Variants in MON1A observed in about 807,000 individuals in gnomAD.
MON1A encodes the protein MON1 vesicular trafficking associated A, also known as vacuolar fusion protein MON1 homolog A.
MON1A carries 29 observed loss-of-function variants against 44.6 expected under a neutral mutation model. The ratio of observed to expected loss-of-function variants is 0.65; its 90% CI spans 0.48 to 0.89. The LOEUF (loss-of-function observed/expected upper bound fraction) is 0.89, where lower values mean the gene tolerates loss of function less well. Among genes scored for constraint, MON1A ranks in the 40% least tolerant of loss-of-function variants. The pLI is 0.00. For synonymous variants in MON1A, 275 were observed against 316.4 expected (o/e 0.87, Z 1.39); for missense variants, 615 against 759.6 (o/e 0.81, Z 2.24).
Position 49,913,207 on chromosome 3 carries a change from C to T in MON1A, c.127+13G>A. On this transcript the variant is annotated intron_variant, in intron 2 of 5. Coordinates refer to ENST00000296473, the MANE Select transcript of MON1A (RefSeq NM_032355.4). Reference sequence around the variant, plus strand: ...TGGTTGGCAGCTGGCTGAGGCTGTACACTTGCCCATACCTGGCTCCATTCC... The same window carrying T: ...TGGTTGGCAGCTGGCTGAGGCTGTATACTTGCCCATACCTGGCTCCATTCC... 1 of 1,614,250 alleles carries T rather than the reference C, an allele frequency of 6.2e-7. No individual in the cohort carries two copies. The highest frequency in any genetic ancestry group is 8.5e-7 in the Non-Finnish European group (1 of 1,180,038).
At position 49,911,932 on chromosome 3, in the gene MON1A, A is replaced by G; in HGVS notation, c.207T>C (p.Ser69=). 4 of 1,613,612 alleles carry G rather than the reference A, an allele frequency of 2.5e-6. No homozygotes were observed. The highest frequency in any genetic ancestry group is 3.4e-6 in the Non-Finnish European group (4 of 1,179,852). The change falls in exon 3 of 6, where the codon TCT becomes TCC. Residue 69 remains serine (S), a synonymous_variant. Transcript: ENST00000296473. The surrounding 1 kb of genome is among the most constrained non-coding windows in gnomAD (Gnocchi z 5.7). The part of the protein sequence containing the change: ...DLTESEDGAA[S]GDSHKEGTRG... Reference sequence around the variant, plus strand: ...TGGTACCCTCCTTGTGGCTGTCCCCAGAAGCTGCCCCATCCTCTGACTCAG... The same window carrying G: ...TGGTACCCTCCTTGTGGCTGTCCCCGGAAGCTGCCCCATCCTCTGACTCAG...
In MON1A at chr3:49,910,361, G is replaced by A. The variant is rs997505519; in HGVS notation, c.1137C>T (p.His379=). The A allele has an allele frequency of 8.1e-6, 13 of 1,614,132 alleles. No individual in the cohort carries two copies. Among genetic ancestry groups the A allele is most frequent in the South Asian group, 1.1e-5 (1 of 91,096 alleles). Residue 379 remains histidine, a synonymous_variant, in exon 4 of 6, where the codon CAC becomes CAT. Transcript: ENST00000296473. The surrounding 1 kb of genome is among the most constrained non-coding windows in gnomAD (Gnocchi z 8.0). ...LPKFNAAGFF[H]AHISYLEPDT... is the part of the protein sequence containing the mutation. ...CAGGCTCTAGGTAAGAGATGTGTGC[G>A]TGGAAGAAGCCGGCTGCGTTGAATT... is the stretch of plus-strand genomic sequence containing the variant.
chr3:49,929,465 G>C, intron 1 of MON1A, 144 bp downstream of exon 1: 1 of 950,712 alleles, frequency 1.1e-6, no homozygotes, highest in East Asian at 2.7e-5. Flanking sequence ...AGCCGGCTGA[G>C]GGACCGCAGG....
intron 1 of MON1A, among the ~76,000 whole-genome samples, chr3:49,920,289 T>C (rs563622597): frequency 1.3e-5 from 2 of 152,326 alleles, no homozygotes; most frequent in South Asian, 2.1e-4. Context: ...TCTGACCTCA[T>C]GGACTACTCC....
Position 49,910,486 on chromosome 3 carries a change from G to T in MON1A, c.1012C>A (p.Gln338Lys), listed in dbSNP as rs1233932697. The change falls in exon 4 of 6, where the codon CAA becomes AAA. Residue 338 changes from glutamine (Q) to lysine (K), a missense_variant. By Grantham distance (53) the Gln-to-Lys change is moderately conservative (BLOSUM62 1). Transcript: ENST00000296473. The surrounding 1 kb of genome is among the most constrained non-coding windows in gnomAD (Gnocchi z 8.0). The stretch of plus-strand genomic sequence containing the variant: ...TGCAGGTCGATGGGGTGCAGAAATT[G>T]GTCCTTTCGGCGCACGAGTGCCACG... ...QLVALVRRKD[Q>K]FLHPIDLHLL... The T allele has an allele frequency of 5.0e-6, 8 of 1,613,964 alleles. No individual in the cohort carries two copies. The highest frequency in any genetic ancestry group is 6.8e-6 in the Non-Finnish European group (8 of 1,179,984).
intron 1 of MON1A, among the ~76,000 whole-genome samples, chr3:49,917,649 T>A (rs1461141025): frequency 6.6e-6 from 1 of 152,080 alleles, no homozygotes; most frequent in Non-Finnish European, 1.5e-5. Flanking sequence ...TTCACACCTT[T>A]TCTCTCTTCA....
At position 49,910,553 on chromosome 3, in the gene MON1A, C is replaced by T. The variant is rs1354283931; in HGVS notation, c.945G>A (p.Ala315=). ...TVSASLQQAR[A]RSLVFSILLA... is the part of the protein sequence containing the mutation. ...GCAGGATGGAGAAGACCAGGCTGCG[C>T]GCACGCGCCTGCTGCAGGCTGGCGC... Residue 315 remains alanine, a synonymous_variant, in exon 4 of 6, where the codon GCG becomes GCA. Transcript: ENST00000296473. This position sits in a 1 kb window ranked among gnomAD's most constrained non-coding sequence, Gnocchi z 8.0. The T allele has an allele frequency of 2.5e-6, 4 of 1,612,348 alleles. No homozygotes were observed. The highest frequency in any genetic ancestry group is 1.3e-5 in the African/African-American group (1 of 74,916).
At position 49,911,784 on chromosome 3, in the gene MON1A, C is replaced by T. The variant is rs2082889264; in HGVS notation, c.355G>A (p.Asp119Asn). ...QEEMLPGSSE[D>N]WLEPPGAVGR... ...ACTGCCCCTGGGGGTTCCAGCCAAT[C>T]CTCAGAGCTTCCTGGCAGCATCTCC... The change falls in exon 3 of 6, where the codon GAT becomes AAT. Residue 119 changes from aspartate (D) to asparagine (N), a missense_variant. Asp to Asn is a conservative substitution (Grantham distance 23). Coordinates refer to ENST00000296473, the MANE Select transcript of MON1A (RefSeq NM_032355.4). This position sits in a 1 kb window ranked among gnomAD's most constrained non-coding sequence, Gnocchi z 5.7. The T allele has an allele frequency of 1.2e-6, 2 of 1,613,682 alleles. No individual in the cohort carries two copies. Among genetic ancestry groups the T allele is most frequent in the Non-Finnish European group, 1.7e-6 (2 of 1,179,854 alleles).
At chr3:49,921,302 C>T (rs1264347625) in intron 1 of MON1A, among the ~76,000 whole-genome samples, 1 of 151,458 alleles carries the variant, frequency 6.6e-6, no homozygotes, top group South Asian at 2.1e-4. Context: ...GGACTACAGA[C>T]GCCTGCCACC....
Position 49,929,617 on chromosome 3 carries a change from C to T in MON1A, c.-22G>A, listed in dbSNP as rs2083077661. On this transcript the variant is annotated 5_prime_UTR_variant, in exon 1 of 6. Transcript: ENST00000296473. ...GCTGGCAGTCAACTCACCTGTTTCT[C>T]AGAGGAGTCCAGGACGCACAGAAGG... is the stretch of plus-strand genomic sequence containing the variant. 9.0e-6 allele frequency: 14 copies of T among 1,551,434 alleles called. No homozygotes were observed. Among genetic ancestry groups the T allele is most frequent in the Non-Finnish European group, 1.1e-5 (13 of 1,146,948 alleles).
chr3:49,914,090 CTTTT>C (rs776537293), intron 1 of MON1A, among the ~76,000 whole-genome samples: 7 of 133,460 alleles, frequency 5.2e-5, no homozygotes, highest in African/African-American at 1.1e-4. Flanking sequence ...TCTTCTTCTT[CTTTT>C]TTTTTTTTTT....
At chr3:49,914,971 A>G in intron 1 of MON1A, among the ~76,000 whole-genome samples, 1 of 152,210 alleles carries the variant, frequency 6.6e-6, no homozygotes, top group East Asian at 1.9e-4. Flanking sequence ...ATGAGCCACC[A>G]TGCCCAGCCT....
intron 1 of MON1A, among the ~76,000 whole-genome samples, chr3:49,913,687 G>C (rs919658577): frequency 4.5e-5 from 5 of 110,308 alleles, no homozygotes; most frequent in African/African-American, 1.8e-4. Flanking sequence ...TTTTGAGACA[G>C]TGTCTCGCTC....
In MON1A at chr3:49,911,266, G is replaced by T; in HGVS notation, c.613+260C>A. Reference sequence around the variant, plus strand: ...GATAGAGTTTGTTGTTGTTGTTGTTGTTGCCTCCCCAGGGGGATTCTCACT... The same window carrying T: ...GATAGAGTTTGTTGTTGTTGTTGTTTTTGCCTCCCCAGGGGGATTCTCACT... On this transcript the variant is annotated intron_variant, in intron 3 of 5. Transcript: ENST00000296473. The surrounding 1 kb of genome is among the most constrained non-coding windows in gnomAD (Gnocchi z 5.7). Among the ~76,000 whole-genome samples the T allele has an allele frequency of 1.2e-5, 1 of 83,156 alleles. No individual in the cohort carries two copies. The highest frequency in any genetic ancestry group is 2.8e-5 in the Non-Finnish European group (1 of 36,128). The allele number at this position is 83,156 out of a possible 152,430, so 54.6% of individuals were successfully genotyped here.
chr3:49,926,539 C>A (rs1266398280), intron 1 of MON1A, among the ~76,000 whole-genome samples: 1 of 152,038 alleles, frequency 6.6e-6, no homozygotes, highest in Admixed American at 6.6e-5. Flanking sequence ...TAACTGTAGC[C>A]CTGGCCTCTC....
intron 1 of MON1A, among the ~76,000 whole-genome samples, chr3:49,919,652 G>A (rs931651990): frequency 5.9e-5 from 9 of 152,064 alleles, no homozygotes; most frequent in Admixed American, 3.3e-4. Context: ...GCTAATTTTT[G>A]TATTTTTAGT....
At chr3:49,928,461 G>A (rs1559497349) in intron 1 of MON1A, among the ~76,000 whole-genome samples, 1 of 152,070 alleles carries the variant, frequency 6.6e-6, no homozygotes. Context: ...CCCTCTAGAA[G>A]CCCCAGGCCT....
intron 1 of MON1A, among the ~76,000 whole-genome samples, chr3:49,922,340 G>A (rs577755429): frequency 8.5e-5 from 13 of 152,106 alleles, no homozygotes; most frequent in East Asian, 1.9e-4. Context: ...CAGCTACCCC[G>A]GGAGGCTGAG....
Position 49,929,642 on chromosome 3 carries a change from G to A in MON1A, c.-47C>T. The A allele has an allele frequency of 6.4e-7, 1 of 1,551,518 alleles. No individual in the cohort carries two copies. The highest frequency in any genetic ancestry group is 8.7e-7 in the Non-Finnish European group (1 of 1,146,926). On this transcript the variant is annotated 5_prime_UTR_variant, in exon 1 of 6. Coordinates refer to ENST00000296473, the MANE Select transcript of MON1A (RefSeq NM_032355.4). Reference sequence around the variant, plus strand: ...CAGAGGAGTCCAGGACGCACAGAAGGTGCCGGTCACTGCCCTCTGCCGGAC... The same window carrying A: ...CAGAGGAGTCCAGGACGCACAGAAGATGCCGGTCACTGCCCTCTGCCGGAC...
Sources: gnomAD v4.1 joint callset for allele counts (sites outside exome capture counted in the v4.1 genomes callset) on GRCh38, gnomAD v4.1.1 for gene constraint, Gnocchi (gnomAD v3.1) non-coding constraint, MANE v1.5 for transcripts, NCBI Gene and HGNC (gene_info 2026-07-23, HGNC 2026-07-21) for gene names.